The following BMAL1 variants were observed in gnomAD, a reference collection of about 807,000 sequenced individuals.
BMAL1 encodes basic helix-loop-helix ARNT-like protein 1.
chr11:13,316,029 C>T, the BMAL1 span, among the ~76,000 whole-genome samples: 20 of 152,200 alleles, frequency 1.3e-4, no homozygotes, highest in Non-Finnish European at 2.5e-4. Context: ...CTGCCCACTC[C>T]CTTTGCCCTT....
chr11:13,367,262 T>C, the BMAL1 span, among the ~76,000 whole-genome samples: 3 of 152,174 alleles, frequency 2.0e-5, no homozygotes, highest in African/African-American at 7.2e-5. Context: ...GGCTTTCTTC[T>C]TTTGCAGTAG....
At chr11:13,355,561 G>A in the BMAL1 span, among the ~76,000 whole-genome samples, 1 of 152,162 alleles carries the variant, frequency 6.6e-6, no homozygotes, top group South Asian at 2.1e-4. Flanking sequence ...GTAATTCATG[G>A]AGACTCAATT....
chr11:13,368,928 G>A, the BMAL1 span, among the ~76,000 whole-genome samples: 15 of 152,084 alleles, frequency 9.9e-5, 1 homozygote, highest in South Asian at 8.3e-4. Flanking sequence ...TAATAAGTTC[G>A]TTCACATTCT....
At chr11:13,304,873 G>A in the BMAL1 span, among the ~76,000 whole-genome samples, 1 of 152,196 alleles carries the variant, frequency 6.6e-6, no homozygotes, top group African/African-American at 2.4e-5. Flanking sequence ...TTGGCTCCTT[G>A]CCTTCTGTTC....
At chr11:13,297,726 G>A in the BMAL1 span, among the ~76,000 whole-genome samples, 1 of 152,210 alleles carries the variant, frequency 6.6e-6, no homozygotes, top group African/African-American at 2.4e-5. Context: ...CATCTGGAAT[G>A]CTCTCTTCCC....
chr11:13,314,271 A>ACACACACACACACT, the BMAL1 span, among the ~76,000 whole-genome samples: 2 of 146,386 alleles, frequency 1.4e-5, no homozygotes, highest in East Asian at 2.0e-4. Context: ...ACACACACAC[A>ACACACACACACACT]CTCTGTCTCT....
the BMAL1 span, among the ~76,000 whole-genome samples, chr11:13,289,320 G>A: frequency 1.3e-5 from 2 of 152,142 alleles, no homozygotes; most frequent in African/African-American, 4.8e-5. Flanking sequence ...GGAATCTGGC[G>A]CTGTCCACCA....
chr11:13,324,833 A>G, the BMAL1 span, among the ~76,000 whole-genome samples: 1 of 152,232 alleles, frequency 6.6e-6, no homozygotes, highest in South Asian at 2.1e-4. Context: ...AGTTTATTTC[A>G]TAGGCAGTGC....
the BMAL1 span, among the ~76,000 whole-genome samples, chr11:13,341,006 G>A: frequency 6.6e-6 from 1 of 152,156 alleles, no homozygotes; most frequent in African/African-American, 2.4e-5. Flanking sequence ...GGCAGGGCTG[G>A]GATTGGAACC....
chr11:13,358,037 A>G, the BMAL1 span, among the ~76,000 whole-genome samples: 31 of 152,228 alleles, frequency 2.0e-4, no homozygotes, highest in Non-Finnish European at 3.5e-4. Context: ...CACAGACCTC[A>G]GGGACAGCCC....
At chr11:13,365,987 T>C in the BMAL1 span, among the ~76,000 whole-genome samples, 354 of 152,314 alleles carry the variant, frequency 2.3e-3, 3 homozygotes, top group East Asian at 0.026. Flanking sequence ...CTTAGCTCTA[T>C]TGAACCTCAG....
the BMAL1 span, among the ~76,000 whole-genome samples, chr11:13,365,225 G>A: frequency 1.3e-5 from 2 of 151,044 alleles, no homozygotes; most frequent in African/African-American, 4.9e-5. Context: ...ATTCTGCTTT[G>A]AAATATAACT....
the BMAL1 span, among the ~76,000 whole-genome samples, chr11:13,346,890 A>G: frequency 6.6e-6 from 1 of 152,206 alleles, no homozygotes; most frequent in South Asian, 2.1e-4. Flanking sequence ...CACCCTCGGC[A>G]AGGATACCCT....
chr11:13,369,576 A>G, the BMAL1 span: 1 of 1,611,624 alleles, frequency 6.2e-7, no homozygotes, highest in Non-Finnish European at 8.5e-7. Flanking sequence ...CTGACAGACA[A>G]CACTGCTCTC....
At chr11:13,386,371 T>C in the BMAL1 span, among the ~76,000 whole-genome samples, 15 of 152,218 alleles carry the variant, frequency 9.9e-5, no homozygotes, top group African/African-American at 3.4e-4. Context: ...TAGAGCTGTC[T>C]CTTCACAACG....
At chr11:13,308,453 G>A in the BMAL1 span, among the ~76,000 whole-genome samples, 1 of 152,144 alleles carries the variant, frequency 6.6e-6, no homozygotes, top group East Asian at 1.9e-4. Flanking sequence ...GATCACCAAG[G>A]GAGTGACAGA....
chr11:13,346,583 T>C, the BMAL1 span, among the ~76,000 whole-genome samples: 57 of 152,334 alleles, frequency 3.7e-4, no homozygotes, highest in African/African-American at 1.3e-3. Context: ...CAGGCTGGGC[T>C]GTGACTTCTC....
the BMAL1 span, among the ~76,000 whole-genome samples, chr11:13,328,438 C>A: frequency 7.0e-4 from 106 of 152,302 alleles, no homozygotes; most frequent in Middle Eastern, 3.4e-3. Context: ...TTATGAGCCT[C>A]TCTTTGGAAC....
the BMAL1 span, among the ~76,000 whole-genome samples, chr11:13,284,146 GTA>G: frequency 0.14 from 8,731 of 60,862 alleles, 1,378 homozygotes; most frequent in South Asian, 0.25. Flanking sequence ...ATATATATGT[GTA>G]TATATATATA....
Sources: allele counts gnomAD v4.1 joint callset (sites outside exome capture counted in the v4.1 genomes callset), GRCh38; gene constraint gnomAD v4.1.1; transcripts MANE v1.5; gene names NCBI Gene and HGNC (gene_info 2026-07-23, HGNC 2026-07-21).